Variants in ZNF318 observed in about 807,000 individuals in gnomAD.
ZNF318 encodes the protein zinc finger protein 318.
A neutral mutation model predicts 124.2 loss-of-function variants in ZNF318; 51 were observed. That is an observed-to-expected ratio of 0.41 (90% confidence interval 0.33 to 0.52). ZNF318 has a LOEUF of 0.52. Ranked by LOEUF, ZNF318 falls within the 20% of genes least tolerant of loss-of-function variation. ZNF318 has a pLI of 0.23. For synonymous variants in ZNF318, 1,090 were observed against 1,040.7 expected, an observed-to-expected ratio of 1.05 and a Z score of -0.91; for missense variants, 2,815 against 2,811.2, an observed-to-expected ratio of 1.00 and a Z score of -0.03.
chr6:43,337,397 T>G lies in ZNF318; in HGVS notation c.6601A>C (p.Ser2201Arg). Residue 2201 changes from serine (S) to arginine (R), a missense_variant, in exon 10 of 10, where the codon AGT (serine) becomes CGT (arginine). Coordinates refer to ENST00000361428, the MANE Select transcript of ZNF318 (RefSeq NM_014345.3). The part of the protein sequence containing the change: ...LSEPGDPSKC[S>R]SLELGPLQLE... ...TGTAATGGCCCCAACTCCAGGGAAC[T>G]ACATTTAGAAGGGTCACCTGGCTCA... 1 of 1,614,186 alleles carries G rather than the reference T, an allele frequency of 6.2e-7. No homozygotes were observed. The highest frequency in any genetic ancestry group is 8.5e-7 in the Non-Finnish European group (1 of 1,180,018).
chr6:43,350,223 C>G (rs1041369324), intron 5 of ZNF318, among the ~76,000 whole-genome samples: 1 of 151,926 alleles, frequency 6.6e-6, no homozygotes, highest in Admixed American at 6.6e-5. Flanking sequence ...GCACTCTAGC[C>G]TGGGCAACAG....
intron 1 of ZNF318, 75 bp from the exon 2 acceptor site, chr6:43,365,515 T>G: frequency 6.7e-7 from 1 of 1,497,588 alleles, no homozygotes. Context: ...TCCTCCCTAG[T>G]TACAAAGTTA....
In ZNF318 at chr6:43,355,082, C is replaced by G; in HGVS notation, c.2252G>C (p.Arg751Thr). The G allele has an allele frequency of 6.2e-7, 1 of 1,614,150 alleles. No homozygotes were observed. Among genetic ancestry groups the G allele is most frequent in the Non-Finnish European group, 8.5e-7 (1 of 1,180,022 alleles). Residue 751 changes from arginine (R) to threonine (T), a missense_variant, in exon 4 of 10, where the codon AGA (arginine) becomes ACA (threonine). By Grantham distance (71) the Arg-to-Thr change is moderately conservative. Transcript: ENST00000361428. ...MLPSAPSAPIRLPHTAALSQF... is the reference protein window; with the variant it reads ...MLPSAPSAPITLPHTAALSQF... Reference sequence around the variant, plus strand: ...AGATAAAGCAGCAGTGTGTGGAAGTCTAATTGGGGCAGATGGGGCTGATGG... The same window carrying G: ...AGATAAAGCAGCAGTGTGTGGAAGTGTAATTGGGGCAGATGGGGCTGATGG...
In ZNF318 at chr6:43,339,742, C is replaced by A; in HGVS notation, c.4256G>T (p.Gly1419Val). 6.2e-7 allele frequency: 1 copy of A among 1,613,984 alleles called. No individual in the cohort carries two copies. The highest frequency in any genetic ancestry group is 8.5e-7 in the Non-Finnish European group (1 of 1,180,004). The change falls in exon 10 of 10, where the codon GGG becomes GTG. Residue 1419 changes from glycine to valine, a missense_variant. This residue lies in a region of ZNF318 where 500 missense variants were observed against 605.2 expected (regional missense o/e 0.83). Transcript: ENST00000361428. The surrounding 1 kb of genome is among the most constrained non-coding windows in gnomAD (Gnocchi z 4.2). ...CAACACCACTTTTTCCTCTGGAGACCCTTTTAGAATCACCTCTTCCCCTCC... is the reference window on the plus strand; with the variant it reads ...CAACACCACTTTTTCCTCTGGAGACACTTTTAGAATCACCTCTTCCCCTCC... ...AFGGEEVILK[G>V]SPEEKVVLAE...
At position 43,340,354 on chromosome 6, in the gene ZNF318, T is replaced by C; in HGVS notation, c.3644A>G (p.Lys1215Arg). The C allele has an allele frequency of 6.2e-7, 1 of 1,614,190 alleles. No homozygotes were observed. Among genetic ancestry groups the C allele is most frequent in the Non-Finnish European group, 8.5e-7 (1 of 1,180,038 alleles). ...TACTTCTTTCACAGCCTTTGCCTTT[T>C]TTTCTTTCTTCTCCTCCTTTGGTTT... ...SEKPKEEKKE[K>R]KAKAVKEVKE... Residue 1215 changes from lysine to arginine, a missense_variant, in exon 10 of 10, where the codon AAA becomes AGA. Lys to Arg is a conservative substitution (Grantham distance 26, BLOSUM62 2). Around this residue, in one of 4 missense-constraint regions of ZNF318, gnomAD observed 500 missense variants for 605.2 expected, o/e 0.83. Coordinates refer to ENST00000361428, the MANE Select transcript of ZNF318 (RefSeq NM_014345.3).
Position 43,337,805 on chromosome 6 carries a change from T to C in ZNF318, c.6193A>G (p.Ile2065Val), listed in dbSNP as rs376579485. ...NSSDPADFEP[I>V]PSFSGFPLDS... is the part of the protein sequence containing the mutation. ...AACGGAAACCCAGAAAAAGATGGGA[T>C]TGGTTCGAAGTCAGCGGGATCGGAG... Residue 2065 changes from isoleucine (I) to valine (V), a missense_variant, in exon 10 of 10, where the codon ATC becomes GTC. This residue lies in a region of ZNF318 where 927 missense variants were observed against 820.6 expected (regional missense o/e 1.13). Coordinates refer to ENST00000361428, the MANE Select transcript of ZNF318 (RefSeq NM_014345.3). The C allele has an allele frequency of 1.4e-5, 23 of 1,614,012 alleles. No homozygotes were observed. Among genetic ancestry groups the C allele is most frequent in the East Asian group, 2.2e-5 (1 of 44,882 alleles).
chr6:43,354,853 T>C lies in ZNF318; in HGVS notation c.2481A>G (p.Gln827=). Residue 827 remains glutamine, a synonymous_variant, in exon 4 of 10, where the codon CAA becomes CAG. Coordinates refer to ENST00000361428, the MANE Select transcript of ZNF318 (RefSeq NM_014345.3). ...GAAGATTGGGACGGCTACGAGTAGC[T>C]TGTTTGGTTATTGGCATTATCCTGT... ...EPHRIMPITK[Q]ATRSRPNLRV... 2 of 1,614,130 alleles carry C rather than the reference T, an allele frequency of 1.2e-6. No individual in the cohort carries two copies. Among genetic ancestry groups the C allele is most frequent in the East Asian group, 2.2e-5 (1 of 44,880 alleles).
Position 43,369,264 on chromosome 6 carries a change from G to A in ZNF318, c.102C>T (p.Gly34=), listed in dbSNP as rs766432222. ...RSGRSSGSSS[G]PARRSSPPPP... is the part of the protein sequence containing the mutation. ...GCGGCGGTGAGCTGCGGCGAGCCGG[G>A]CCTGAGGAGGAGCCAGAGCTGCGGC... is the stretch of plus-strand genomic sequence containing the variant. The change falls in exon 1 of 10, where the codon GGC becomes GGT. Residue 34 remains glycine, a synonymous_variant. Coordinates refer to ENST00000361428, the MANE Select transcript of ZNF318 (RefSeq NM_014345.3). The A allele has an allele frequency of 1.8e-5, 23 of 1,298,640 alleles. No individual in the cohort carries two copies. Among genetic ancestry groups the A allele is most frequent in the South Asian group, 5.8e-5 (3 of 52,018 alleles). 80.4% of individuals were successfully genotyped at this position (1,298,640 alleles called of 1,614,324 possible).
At chr6:43,358,414 A>ATTTTTTTT (rs71547834) in intron 2 of ZNF318, among the ~76,000 whole-genome samples, 1 of 124,780 alleles carries the variant, frequency 8.0e-6, no homozygotes, top group Non-Finnish European at 1.6e-5. Context: ...CACCCGGCTA[A>ATTTTTTTT]TTTTTTTTTT....
At chr6:43,365,773 ACCTTGTCT>A (rs1779752768) in intron 1 of ZNF318, among the ~76,000 whole-genome samples, 1 of 152,228 alleles carries the variant, frequency 6.6e-6, no homozygotes, top group African/African-American at 2.4e-5. Context: ...AATGAGCAGG[ACCTTGTCT>A]CAAAAACAAA....
chr6:43,355,475 T>A lies in ZNF318; in HGVS notation c.1859A>T (p.His620Leu). ...QLAARTQERL[H>L]GKKPSLRSSA... ...GGAGCGTAATGATGGCTTCTTGCCA[T>A]GAAGTCGTTCCTGGGTGCGTGCAGC... The change falls in exon 4 of 10, where the codon CAT (histidine) becomes CTT (leucine). Residue 620 changes from histidine (H) to leucine (L), a missense_variant. This residue lies in a region of ZNF318 where 1,377 missense variants were observed against 1,353.5 expected (regional missense o/e 1.02). Transcript: ENST00000361428. The A allele has an allele frequency of 6.2e-7, 1 of 1,614,226 alleles. No homozygotes were observed. The highest frequency in any genetic ancestry group is 1.3e-5 in the African/African-American group (1 of 75,054).
At position 43,337,823 on chromosome 6, in the gene ZNF318, G is replaced by T. The variant is rs1239729594; in HGVS notation, c.6175C>A (p.Pro2059Thr). Reference sequence around the variant, plus strand: ...GATGGGATTGGTTCGAAGTCAGCGGGATCGGAGGAATTACACCCTATAGGT... The same window carrying T: ...GATGGGATTGGTTCGAAGTCAGCGGTATCGGAGGAATTACACCCTATAGGT... The part of the protein sequence containing the change: ...VSPIGCNSSD[P>T]ADFEPIPSFS... The change falls in exon 10 of 10, where the codon CCC becomes ACC. Residue 2059 changes from proline (P) to threonine (T), a missense_variant. By Grantham distance (38) the Pro-to-Thr change is conservative (BLOSUM62 -1). Transcript: ENST00000361428. 3 of 1,614,202 alleles carry T rather than the reference G, an allele frequency of 1.9e-6. No homozygotes were observed. The highest frequency in any genetic ancestry group is 3.3e-5 in the Admixed American group (2 of 60,028).
chr6:43,365,925 G>T, intron 1 of ZNF318, among the ~76,000 whole-genome samples: 1 of 152,158 alleles, frequency 6.6e-6, no homozygotes, highest in South Asian at 2.1e-4. Flanking sequence ...TCTCCTAAAC[G>T]GTGACCTCTC....
intron 2 of ZNF318, chr6:43,363,972 C>A (rs1779723587): frequency 5.8e-6 from 4 of 684,514 alleles, no homozygotes; most frequent in Admixed American, 2.1e-5. Flanking sequence ...AGGTGACAGG[C>A]TACTGCGGCT....
chr6:43,337,221 C>A lies in ZNF318; in HGVS notation c.6777G>T (p.Met2259Ile), dbSNP rs545410952. Reference sequence around the variant, plus strand: ...CACCAACTGTAGTTTCCTGTTCAGGCATTCCCTGAGGGACCATATTGTCTT... The same window carrying A: ...CACCAACTGTAGTTTCCTGTTCAGGAATTCCCTGAGGGACCATATTGTCTT... The part of the protein sequence containing the change: ...VIEDNMVPQG[M>I]PEQETTVGAI... The change falls in exon 10 of 10, where the codon ATG (methionine) becomes ATT (isoleucine). Residue 2259 changes from methionine to isoleucine, a missense_variant. By Grantham distance (10) the Met-to-Ile change is conservative. Around this residue, in one of 4 missense-constraint regions of ZNF318, gnomAD observed 927 missense variants for 820.6 expected, o/e 1.13. Transcript: ENST00000361428. The A allele has an allele frequency of 1.9e-6, 3 of 1,613,856 alleles. No individual in the cohort carries two copies. The highest frequency in any genetic ancestry group is 1.7e-4 in the Middle Eastern group (1 of 6,058).
In ZNF318 at chr6:43,338,538, C is replaced by G. The variant is rs1779322588; in HGVS notation, c.5460G>C (p.Glu1820Asp). ...NLNHGNRYMW[E>D]GEVKQPNLLM... Reference sequence around the variant, plus strand: ...GCAAGTTGGGCTGTTTTACTTCTCCCTCCCACATGTATCTGTTTCCATGGT... The same window carrying G: ...GCAAGTTGGGCTGTTTTACTTCTCCGTCCCACATGTATCTGTTTCCATGGT... Residue 1820 changes from glutamate to aspartate, a missense_variant, in exon 10 of 10, where the codon GAG (glutamate) becomes GAC (aspartate). Around this residue, in one of 4 missense-constraint regions of ZNF318, gnomAD observed 927 missense variants for 820.6 expected, o/e 1.13. Coordinates refer to ENST00000361428, the MANE Select transcript of ZNF318 (RefSeq NM_014345.3). 1 of 1,614,092 alleles carries G rather than the reference C, an allele frequency of 6.2e-7. No individual in the cohort carries two copies. Among genetic ancestry groups the G allele is most frequent in the African/African-American group, 1.3e-5 (1 of 74,910 alleles).
Position 43,369,534 on chromosome 6 carries a change from C to G in ZNF318, c.-169G>C, listed in dbSNP as rs1447273872. The G allele has an allele frequency of 1.3e-5, 4 of 301,826 alleles. No individual in the cohort carries two copies. The highest frequency in any genetic ancestry group is 2.3e-5 in the African/African-American group (1 of 43,864). The allele number at this position is 301,826 out of a possible 1,614,324, so 18.7% of individuals were successfully genotyped here. ...GCCCCGCGTCGCCCCGGGGGCCCGGCCGAGCGCGCCCCCGCGGCTGGCGGT... is the reference window on the plus strand; with the variant it reads ...GCCCCGCGTCGCCCCGGGGGCCCGGGCGAGCGCGCCCCCGCGGCTGGCGGT... On this transcript the variant is annotated 5_prime_UTR_variant, in exon 1 of 10. Transcript: ENST00000361428.
rs565322507 is a variant in ZNF318 at position 43,337,744 on chromosome 6, G to A, written c.6254C>T (p.Thr2085Ile). ...ATTAGGTGAGTTTCGTTCACCCTCT[G>A]TCTCAAAGTCAAGCACCAAGGTTTT... Reference protein sequence around the residue: ...SPKTLVLDFETEGERNSPNPR... With the variant: ...SPKTLVLDFEIEGERNSPNPR... The change falls in exon 10 of 10, where the codon ACA (threonine) becomes ATA (isoleucine). Residue 2085 changes from threonine to isoleucine, a missense_variant. By Grantham distance (89) the Thr-to-Ile change is moderately conservative. Coordinates refer to ENST00000361428, the MANE Select transcript of ZNF318 (RefSeq NM_014345.3). 1.2e-6 allele frequency: 2 copies of A among 1,614,148 alleles called. No individual in the cohort carries two copies. Among genetic ancestry groups the A allele is most frequent in the African/African-American group, 2.7e-5 (2 of 75,012 alleles).
At chr6:43,350,245 A>C (rs1057014000) in intron 5 of ZNF318, among the ~76,000 whole-genome samples, 1 of 152,040 alleles carries the variant, frequency 6.6e-6, no homozygotes, top group African/African-American at 2.4e-5. Flanking sequence ...GCGAGGCTCC[A>C]TCTCAAAGAA....
Sources: allele counts gnomAD v4.1 joint callset (sites outside exome capture counted in the v4.1 genomes callset), GRCh38; gene constraint gnomAD v4.1.1; regional missense constraint gnomAD v4.1.1; non-coding constraint Gnocchi (gnomAD v3.1); transcripts MANE v1.5; gene names NCBI Gene and HGNC (gene_info 2026-07-23, HGNC 2026-07-21).